The following TARS3 variants were observed in gnomAD, a reference collection of about 807,000 sequenced individuals.
TARS3 encodes threonyl-tRNA synthetase 3.
TARS3 carries 94 observed loss-of-function variants against 103.5 expected under a neutral mutation model. That is an observed-to-expected ratio of 0.91 (90% CI 0.77 to 1.08). The LOEUF (loss-of-function observed/expected upper bound fraction) is 1.08, where lower values mean the gene tolerates loss of function less well. Ranked by LOEUF, TARS3 falls within the 50% of genes least tolerant of loss-of-function variation. The pLI is 0.00. For missense variants in TARS3, 952 were observed against 995.2 expected (o/e 0.96, Z 0.58); for synonymous variants, 416 against 355.4 (o/e 1.17, Z -1.92).
In TARS3 at chr15:101,724,467, A is replaced by C. The variant is rs1596337209; in HGVS notation, c.-80T>G. The C allele has an allele frequency of 7.5e-7, 1 of 1,337,536 alleles. No individual in the cohort carries two copies. Among genetic ancestry groups the C allele is most frequent in the East Asian group, 3.1e-5 (1 of 32,076 alleles). 82.9% of individuals were successfully genotyped at this position (1,337,536 alleles called of 1,614,324 possible). The stretch of plus-strand genomic sequence containing the variant: ...GCGACGCGGACACTCAGCGCACGGC[A>C]GAAGACAGGGCTCCCGGGAGGGGCG... On this transcript the variant is annotated 5_prime_UTR_variant, in exon 1 of 19. Transcript: ENST00000335968.
chr15:101,673,018 C>T (rs1897873003), intron 13 of TARS3, among the ~76,000 whole-genome samples: 1 of 152,174 alleles, frequency 6.6e-6, no homozygotes, highest in Non-Finnish European at 1.5e-5. Context: ...CAGGAGGGCA[C>T]AGTAGGAGCT....
chr15:101,661,615 T>C, intron 16 of TARS3, 97 bp downstream of exon 16: 1 of 793,892 alleles, frequency 1.3e-6, no homozygotes, highest in Non-Finnish European at 1.9e-6. Context: ...ACATGATTTT[T>C]TAAGAATAGA....
At position 101,671,552 on chromosome 15, in the gene TARS3, T is replaced by C; in HGVS notation, c.1901A>G (p.Tyr634Cys). The C allele has an allele frequency of 6.2e-7, 1 of 1,611,940 alleles. No individual in the cohort carries two copies. Among genetic ancestry groups the C allele is most frequent in the Non-Finnish European group, 8.5e-7 (1 of 1,178,074 alleles). Residue 634 changes from tyrosine (Y) to cysteine (C), a missense_variant, in exon 15 of 19, where the codon TAC (tyrosine) becomes TGC (cysteine). This residue lies in a region of TARS3 where 540 missense variants were observed against 631.0 expected (regional missense o/e 0.86). Coordinates refer to ENST00000335968, the MANE Select transcript of TARS3 (RefSeq NM_152334.3). Reference protein sequence around the residue: ...DIKIKDAIGRYHQCATIQLDF... With the variant: ...DIKIKDAIGRCHQCATIQLDF... ...CAGCTGAATTGTAGCACATTGATGG[T>C]ATCTGCCAATAGCATCCTTGATTTT...
chr15:101,653,694 C>G lies in TARS3; in HGVS notation c.*888G>C, dbSNP rs974291666. On this transcript the variant is annotated 3_prime_UTR_variant, in exon 19 of 19. Transcript: ENST00000335968. ...TATATTGAAAAGAGATTATTTCTTA[C>G]ATTTCTTTTGAATTTCACAGCATAT... 1 of 151,950 alleles carries G rather than the reference C, an allele frequency of 6.6e-6. No individual in the cohort carries two copies. The highest frequency in any genetic ancestry group is 1.5e-5 in the Non-Finnish European group (1 of 68,044). The allele number at this position is 151,950 out of a possible 1,614,324, so 9.4% of individuals were successfully genotyped here.
intron 3 of TARS3, among the ~76,000 whole-genome samples, chr15:101,716,103 G>A (rs1900145394): frequency 6.6e-6 from 1 of 151,450 alleles, no homozygotes; most frequent in Non-Finnish European, 1.5e-5. Flanking sequence ...CGCAACCCCT[G>A]CCTTCTGGGT....
Position 101,705,688 on chromosome 15 carries a change from C to T in TARS3, c.990G>A (p.Val330=). The T allele has an allele frequency of 6.2e-7, 1 of 1,610,860 alleles. No homozygotes were observed. Among genetic ancestry groups the T allele is most frequent in the Non-Finnish European group, 8.5e-7 (1 of 1,178,076 alleles). The change falls in exon 7 of 19, where the codon GTG becomes GTA. Residue 330 remains valine, a synonymous_variant. Coordinates refer to ENST00000335968, the MANE Select transcript of TARS3 (RefSeq NM_152334.3). ...TACCATGTGTGGACACAAACCTGTACACGGTGGTAGTTGCAGTGTTAACTT... is the reference window on the plus strand; with the variant it reads ...TACCATGTGTGGACACAAACCTGTATACGGTGGTAGTTGCAGTGTTAACTT... ...NEKVNTATTT[V]YRCGPLIDLC... is the part of the protein sequence containing the mutation.
chr15:101,664,044 CTT>C (rs2141383637), intron 15 of TARS3: 1 of 152,180 alleles, frequency 6.6e-6, no homozygotes, highest in South Asian at 2.1e-4. Flanking sequence ...GACCTTGATG[CTT>C]CTCTCTCTCC....
At chr15:101,723,022 G>A (rs1340606166) in intron 2 of TARS3, 71 bp downstream of exon 2, 44 of 1,333,512 alleles carry the variant, frequency 3.3e-5, no homozygotes, top group Middle Eastern at 3.7e-4. Context: ...GGAAATCCTA[G>A]GTAATTAACT....
chr15:101,672,996 G>A (rs531439562), intron 13 of TARS3, among the ~76,000 whole-genome samples: 1 of 152,326 alleles, frequency 6.6e-6, no homozygotes, highest in Non-Finnish European at 1.5e-5. Flanking sequence ...TCGGGCCTTG[G>A]AGGACACAGG....
intron 10 of TARS3, among the ~76,000 whole-genome samples, chr15:101,688,436 T>C (rs1012224101): frequency 1.3e-5 from 2 of 152,162 alleles, no homozygotes; most frequent in African/African-American, 4.8e-5. Context: ...ATAACTTATC[T>C]GGAACATTAA....
At chr15:101,713,214 T>C (rs945319542) in intron 4 of TARS3, among the ~76,000 whole-genome samples, 1 of 152,078 alleles carries the variant, frequency 6.6e-6, no homozygotes, top group African/African-American at 2.4e-5. Context: ...CTCTGTAATA[T>C]AGAAAAATGG....
intron 8 of TARS3, among the ~76,000 whole-genome samples, chr15:101,703,207 A>G (rs535280487): frequency 6.6e-6 from 1 of 152,332 alleles, no homozygotes; most frequent in South Asian, 2.1e-4. Context: ...TTATGCCGCA[A>G]TACATTACTT....
At chr15:101,690,875 TTCTC>T (rs541148786) in intron 10 of TARS3, among the ~76,000 whole-genome samples, 86 of 152,322 alleles carry the variant, frequency 5.6e-4, no homozygotes, top group South Asian at 1.0e-3. Flanking sequence ...AATTTAAACT[TTCTC>T]TCTAAGTATA....
chr15:101,661,658 A>C (rs1897382389), intron 16 of TARS3, 54 bp downstream of exon 16: 1 of 1,093,564 alleles, frequency 9.1e-7, no homozygotes. Flanking sequence ...GAGTAAATTA[A>C]TAAAAATTAA....
chr15:101,720,511 C>G (rs1900395447), intron 3 of TARS3, among the ~76,000 whole-genome samples: 1 of 152,056 alleles, frequency 6.6e-6, no homozygotes, highest in African/African-American at 2.4e-5. Flanking sequence ...AATGGCCTAT[C>G]AAGAATTACA....
At chr15:101,714,806 C>G (rs200406634) in intron 4 of TARS3, 34 bp downstream of exon 4, 185 of 1,593,432 alleles carry the variant, frequency 1.2e-4, no homozygotes, top group Middle Eastern at 1.7e-4. Flanking sequence ...ACATAACTAC[C>G]CAAAGTTTGG....
rs181101335 is a variant in TARS3 at position 101,684,892 on chromosome 15, T to C, written c.1488-655A>G. 1.6e-4 allele frequency among the ~76,000 whole-genome samples: 25 copies of C among 152,344 alleles called. No homozygotes were observed. The East Asian group carries it at 2.3e-3, about 14-fold the overall frequency. Reference sequence around the variant, plus strand: ...AAACTTAAATTCTCTACTTTCATTATAAAGTACGAGGCTATAATTTTAAAG... The same window carrying C: ...AAACTTAAATTCTCTACTTTCATTACAAAGTACGAGGCTATAATTTTAAAG... On this transcript the variant is annotated intron_variant, in intron 11 of 18. Coordinates refer to ENST00000335968, the MANE Select transcript of TARS3 (RefSeq NM_152334.3).
At chr15:101,718,073 AAAGGG>A (rs1308598910) in intron 3 of TARS3, among the ~76,000 whole-genome samples, 2 of 152,212 alleles carry the variant, frequency 1.3e-5, no homozygotes, top group Non-Finnish European at 2.9e-5. Flanking sequence ...AGCAGGTATA[AAAGGG>A]GAGAGTAGGG....
At chr15:101,708,426 T>C (rs1347001726) in intron 6 of TARS3, among the ~76,000 whole-genome samples, 1 of 151,980 alleles carries the variant, frequency 6.6e-6, no homozygotes, top group Non-Finnish European at 1.5e-5. Context: ...TAGGTTAAAA[T>C]CTGAAACAAA....
Sources: gnomAD v4.1 joint callset for allele counts (sites outside exome capture counted in the v4.1 genomes callset) on GRCh38, gnomAD v4.1.1 for gene constraint, gnomAD v4.1.1 regional missense constraint, MANE v1.5 for transcripts, NCBI Gene and HGNC (gene_info 2026-07-23, HGNC 2026-07-21) for gene names.